Variants in ETV6 observed in about 807,000 individuals in gnomAD.
ETV6 encodes transcription factor ETV6.
Under a neutral mutation model 51.1 loss-of-function variants are expected in ETV6, and 16 were observed. The ratio of observed to expected loss-of-function variants is 0.31; its 90% CI spans 0.21 to 0.48. The LOEUF (loss-of-function observed/expected upper bound fraction) is 0.48. Ranked by LOEUF, ETV6 falls within the 20% of genes least tolerant of loss-of-function variation. ETV6 has a pLI of 0.99. For synonymous variants in ETV6, 240 were observed against 224.1 expected (o/e 1.07, Z -0.64); for missense variants, 458 against 594.8 (o/e 0.77, Z 2.39).
At position 11,884,510 on chromosome 12, in the gene ETV6, C is replaced by T. The variant is rs141938078; in HGVS notation, c.1075C>T (p.Arg359Ter). The change falls in exon 6 of 8, where the codon CGA becomes TGA. Residue 359 changes from arginine (R) to a stop codon, truncating the protein, a stop_gained. Transcript: ENST00000396373. LOFTEE classifies it high-confidence loss of function. ...LSDSRYENFI[R>*]WEDKESKIFR... ...TGACAGCCGGTACGAAAACTTCATCCGATGGGAGGACAAAGAATCCAAAAT... is the reference window on the plus strand; with the variant it reads ...TGACAGCCGGTACGAAAACTTCATCTGATGGGAGGACAAAGAATCCAAAAT... 2 of 1,614,160 alleles carry T rather than the reference C, an allele frequency of 1.2e-6. No homozygotes were observed. Among genetic ancestry groups the T allele is most frequent in the East Asian group, 2.2e-5 (1 of 44,886 alleles).
intron 2 of ETV6, among the ~76,000 whole-genome samples, chr12:11,810,205 C>T (rs1030997660): frequency 3.9e-5 from 6 of 152,040 alleles, no homozygotes; most frequent in South Asian, 2.1e-4. Flanking sequence ...TAATCCCTGT[C>T]GTGTCCTAGA....
chr12:11,884,330 AAT>A, intron 5 of ETV6, 113 bp from the exon 6 acceptor site: 2 of 1,149,876 alleles, frequency 1.7e-6, no homozygotes, highest in Non-Finnish European at 2.5e-6. Context: ...TTAGTTAGAC[AAT>A]CAGTCAACCC....
At chr12:11,730,399 T>C (rs1276582142) in intron 1 of ETV6, among the ~76,000 whole-genome samples, 1 of 152,252 alleles carries the variant, frequency 6.6e-6, no homozygotes, top group African/African-American at 2.4e-5. Flanking sequence ...CCAATGAGGC[T>C]GCTGCTCTGG....
chr12:11,693,281 A>G (rs1163916976), intron 1 of ETV6, among the ~76,000 whole-genome samples: 1 of 152,158 alleles, frequency 6.6e-6, no homozygotes, highest in African/African-American at 2.4e-5. Context: ...CTTTGACTGT[A>G]ACATGCAGCG....
intron 1 of ETV6, among the ~76,000 whole-genome samples, chr12:11,652,099 A>T (rs948376991): frequency 1.3e-5 from 2 of 152,216 alleles, no homozygotes; most frequent in African/African-American, 4.8e-5. Flanking sequence ...TATTGCTTAC[A>T]ACTCAGTTCT....
intron 1 of ETV6, among the ~76,000 whole-genome samples, chr12:11,664,679 C>A: frequency 6.6e-6 from 1 of 152,154 alleles, no homozygotes. Context: ...CTTCTTACTG[C>A]TACTGGAATG....
chr12:11,892,420 C>CTTTT lies in ETV6; in HGVS notation c.*1376_*1379dup. ...TCTCAGAAAGGACCCATTTGTGGCTCTTTTTCACCTCAAAATAAGATCGAT... is the reference window on the plus strand; with the variant it reads ...TCTCAGAAAGGACCCATTTGTGGCTCTTTTTTTTTCACCTCAAAATAAGATCGAT... On this transcript the variant is annotated 3_prime_UTR_variant, in exon 8 of 8. Transcript: ENST00000396373. 1 of 232,414 alleles carries CTTTT rather than the reference C, an allele frequency of 4.3e-6. No individual in the cohort carries two copies. The highest frequency in any genetic ancestry group is 6.0e-5 in the East Asian group (1 of 16,550). 14.4% of individuals were successfully genotyped at this position (232,414 alleles called of 1,614,324 possible). A position where few individuals can be genotyped will look rare whatever the true frequency, so the allele number is the denominator to read the frequency against.
At chr12:11,650,818 T>G (rs953078470) in intron 1 of ETV6, among the ~76,000 whole-genome samples, 4 of 152,180 alleles carry the variant, frequency 2.6e-5, no homozygotes, top group Non-Finnish European at 5.9e-5. Flanking sequence ...ATATGAAAGT[T>G]GAGCAATCCC....
At chr12:11,784,774 C>T (rs1945459609) in intron 2 of ETV6, among the ~76,000 whole-genome samples, 1 of 151,754 alleles carries the variant, frequency 6.6e-6, no homozygotes, top group South Asian at 2.1e-4. Flanking sequence ...TCATAGCTCA[C>T]TGCAGCCGCA....
chr12:11,735,026 G>GCAT (rs1406953384), intron 1 of ETV6, among the ~76,000 whole-genome samples: 1 of 150,974 alleles, frequency 6.6e-6, no homozygotes, highest in East Asian at 1.9e-4. Context: ...CTTATTAATG[G>GCAT]GCAAAATGTC....
At chr12:11,704,262 G>A (rs1482857154) in intron 1 of ETV6, among the ~76,000 whole-genome samples, 2 of 152,232 alleles carry the variant, frequency 1.3e-5, no homozygotes, top group African/African-American at 4.8e-5. Flanking sequence ...GGATCATGGG[G>A]AGAAGAGTGC....
At chr12:11,737,207 G>A (rs1200375837) in intron 1 of ETV6, among the ~76,000 whole-genome samples, 1 of 152,178 alleles carries the variant, frequency 6.6e-6, no homozygotes, top group East Asian at 1.9e-4. Flanking sequence ...TTGCTGAGGA[G>A]TTCAGGCCAG....
chr12:11,871,228 G>GC (rs1946876837), intron 5 of ETV6, among the ~76,000 whole-genome samples: 1 of 128,656 alleles, frequency 7.8e-6, no homozygotes, highest in Non-Finnish European at 1.6e-5. Flanking sequence ...ACACTCTGTT[G>GC]CCCAGGCTGG....
At chr12:11,672,943 A>G (rs1460618611) in intron 1 of ETV6, among the ~76,000 whole-genome samples, 4 of 152,320 alleles carry the variant, frequency 2.6e-5, no homozygotes, top group Admixed American at 2.0e-4. Context: ...TCGCCATCCT[A>G]CTGCTCTGGG....
At chr12:11,661,693 C>G (rs138801153) in intron 1 of ETV6, among the ~76,000 whole-genome samples, 1 of 152,220 alleles carries the variant, frequency 6.6e-6, no homozygotes, top group African/African-American at 2.4e-5. Flanking sequence ...GACGCTGATA[C>G]TTTCGGGTGA....
Position 11,892,093 on chromosome 12 carries a change from T to C in ETV6, c.*1047T>C. 4.3e-6 allele frequency: 1 copy of C among 233,104 alleles called. No individual in the cohort carries two copies. Among genetic ancestry groups the C allele is most frequent in the African/African-American group, 2.2e-5 (1 of 45,306 alleles). The allele number at this position is 233,104 out of a possible 1,614,324, so 14.4% of individuals were successfully genotyped here. On this transcript the variant is annotated 3_prime_UTR_variant, in exon 8 of 8. Transcript: ENST00000396373. Reference sequence around the variant, plus strand: ...CAGCAGTCCAGAAACTGGGCAAAAATATTCTGCAGTGGGGATTTATTTTTC... The same window carrying C: ...CAGCAGTCCAGAAACTGGGCAAAAACATTCTGCAGTGGGGATTTATTTTTC...
At chr12:11,865,705 A>G (rs12811813) in intron 4 of ETV6, among the ~76,000 whole-genome samples, 395 of 148,846 alleles carry the variant, frequency 2.7e-3, no homozygotes, top group Non-Finnish European at 4.1e-3. Context: ...GTGTGTGTGT[A>G]TATATATACT....
intron 1 of ETV6, among the ~76,000 whole-genome samples, chr12:11,721,747 A>G (rs1290142216): frequency 6.6e-6 from 1 of 152,258 alleles, no homozygotes; most frequent in Non-Finnish European, 1.5e-5. Flanking sequence ...TAAGCAAGGT[A>G]ATATTTATAA....
chr12:11,662,349 G>A (rs977939348), intron 1 of ETV6, among the ~76,000 whole-genome samples: 1 of 152,180 alleles, frequency 6.6e-6, no homozygotes, highest in Non-Finnish European at 1.5e-5. Context: ...GAGGGAAGAG[G>A]TGGGCCCAGT....
Sources: gnomAD v4.1 joint callset for allele counts (sites outside exome capture counted in the v4.1 genomes callset) on GRCh38, gnomAD v4.1.1 for gene constraint, MANE v1.5 for transcripts, NCBI Gene and HGNC (gene_info 2026-07-23, HGNC 2026-07-21) for gene names.